TAPT1: variants seen among roughly 807,000 people sequenced by gnomAD.
TAPT1 encodes the protein transmembrane anterior posterior transformation 1.
A neutral mutation model predicts 65.6 loss-of-function variants in TAPT1; 28 were observed. The observed-to-expected ratio is 0.43, with a 90% CI of 0.32 to 0.59. The LOEUF is 0.59. Ranked by LOEUF, TAPT1 falls within the 20% of genes least tolerant of loss-of-function variation. The pLI is 0.09. For missense variants in TAPT1, 563 were observed against 679.9 expected (o/e 0.83, Z 1.91); for synonymous variants, 278 against 245.2 (o/e 1.13, Z -1.25).
chr4:16,202,356 A>G, intron 3 of TAPT1, 106 bp downstream of exon 3: 1 of 653,632 alleles, frequency 1.5e-6, no homozygotes, highest in South Asian at 1.9e-5. Context: ...ATGAAGGGCC[A>G]AAGTGTGGAT....
At chr4:16,168,226 C>T (rs1028290508) in intron 12 of TAPT1, among the ~76,000 whole-genome samples, 28 of 152,146 alleles carry the variant, frequency 1.8e-4, no homozygotes, top group Admixed American at 7.2e-4. Context: ...CAATCTCCCA[C>T]CTCAGCCTCC....
At chr4:16,214,316 A>T (rs1455265128) in intron 1 of TAPT1, 1 of 152,888 alleles carries the variant, frequency 6.5e-6, no homozygotes, top group Non-Finnish European at 1.5e-5. Flanking sequence ...TCCAAGAACC[A>T]TCCTGGATGA....
intron 3 of TAPT1, among the ~76,000 whole-genome samples, chr4:16,199,299 C>A (rs1047221268): frequency 6.6e-6 from 1 of 152,132 alleles, no homozygotes; most frequent in African/African-American, 2.4e-5. Flanking sequence ...GGGAAATCCT[C>A]AATGGAGTCT....
At chr4:16,201,630 G>C (rs1200052478) in intron 3 of TAPT1, among the ~76,000 whole-genome samples, 2 of 152,114 alleles carry the variant, frequency 1.3e-5, no homozygotes, top group Non-Finnish European at 2.9e-5. Flanking sequence ...TTAACCTCAA[G>C]ACCAATAAAG....
chr4:16,221,522 T>C (rs1207102951), intron 1 of TAPT1, among the ~76,000 whole-genome samples: 2 of 152,218 alleles, frequency 1.3e-5, no homozygotes, highest in African/African-American at 4.8e-5. Flanking sequence ...AATTGCTTTT[T>C]CTTCACCCCT....
Position 16,226,285 on chromosome 4 carries a change from C to T in TAPT1, c.173G>A (p.Arg58Gln). The change falls in exon 1 of 14, where the codon CGG (arginine) becomes CAG (glutamine). Residue 58 changes from arginine to glutamine, a missense_variant. Transcript: ENST00000405303. ...TGTGCGGCCCCGGCGCCTCTCCCGC[C>T]GCCGGTCGCTCTCGTAGAAGCCCAG... ...ETLGFYESDR[R>Q]RERRRGRTEL... The T allele has an allele frequency of 8.9e-7, 1 of 1,128,074 alleles. No individual in the cohort carries two copies. The highest frequency in any genetic ancestry group is 1.1e-6 in the Non-Finnish European group (1 of 922,162). 69.9% of individuals were successfully genotyped at this position (1,128,074 alleles called of 1,614,324 possible). A position where few individuals can be genotyped will look rare whatever the true frequency, so the allele number is the denominator to read the frequency against.
At chr4:16,190,117 G>GCCAC (rs1749276582) in intron 4 of TAPT1, 1 of 152,122 alleles carries the variant, frequency 6.6e-6, no homozygotes, top group Non-Finnish European at 1.5e-5. Context: ...AAACATCTTG[G>GCCAC]TCTTGAATTT....
At chr4:16,166,518 C>A in intron 13 of TAPT1, 115 bp downstream of exon 13, 2 of 1,316,062 alleles carry the variant, frequency 1.5e-6, no homozygotes, top group Non-Finnish European at 2.1e-6. Flanking sequence ...CATTAAAAGA[C>A]CCAAAAATCT....
intron 1 of TAPT1, among the ~76,000 whole-genome samples, chr4:16,221,673 T>G (rs1046845950): frequency 3.3e-5 from 5 of 152,236 alleles, no homozygotes; most frequent in African/African-American, 4.8e-5. Flanking sequence ...AAATATATCT[T>G]TCTTAAAATA....
chr4:16,184,922 G>T (rs1748913582), intron 7 of TAPT1, among the ~76,000 whole-genome samples: 1 of 152,074 alleles, frequency 6.6e-6, no homozygotes, highest in Non-Finnish European at 1.5e-5. Flanking sequence ...TACTGTGGCT[G>T]GCCTTTTCAC....
At chr4:16,224,099 CAAGT>C (rs1751414134) in intron 1 of TAPT1, among the ~76,000 whole-genome samples, 1 of 152,176 alleles carries the variant, frequency 6.6e-6, no homozygotes, top group African/African-American at 2.4e-5. Context: ...AAAAAATCAA[CAAGT>C]AATACCTTAA....
chr4:16,186,297 A>G (rs1264676770), intron 7 of TAPT1, among the ~76,000 whole-genome samples: 1 of 152,224 alleles, frequency 6.6e-6, no homozygotes, highest in Non-Finnish European at 1.5e-5. Context: ...TTTCTAGACT[A>G]TTAAGAAGCT....
chr4:16,209,759 T>C (rs1282557361), intron 2 of TAPT1, among the ~76,000 whole-genome samples: 4 of 152,230 alleles, frequency 2.6e-5, no homozygotes, highest in Admixed American at 2.6e-4. Flanking sequence ...TAATAGTATA[T>C]ATATCTTGTG....
chr4:16,185,113 G>A (rs1578434170), intron 7 of TAPT1, among the ~76,000 whole-genome samples: 1 of 151,502 alleles, frequency 6.6e-6, no homozygotes, highest in Admixed American at 6.6e-5. Flanking sequence ...TTAGGGTTAT[G>A]AACCACTATG....
chr4:16,207,554 T>C (rs566881001), intron 2 of TAPT1, among the ~76,000 whole-genome samples: 2 of 152,216 alleles, frequency 1.3e-5, no homozygotes, highest in Admixed American at 6.5e-5. Flanking sequence ...CAATGAATCA[T>C]GCACTATTAG....
At chr4:16,167,972 A>T (rs1747748625) in intron 12 of TAPT1, among the ~76,000 whole-genome samples, 1 of 152,216 alleles carries the variant, frequency 6.6e-6, no homozygotes, top group Admixed American at 6.5e-5. Flanking sequence ...GGATACCTAG[A>T]TACCTATGAC....
At chr4:16,197,011 A>T (rs1178595302) in intron 3 of TAPT1, among the ~76,000 whole-genome samples, 2 of 152,164 alleles carry the variant, frequency 1.3e-5, no homozygotes, top group Non-Finnish European at 2.9e-5. Context: ...AAAAGAGAAA[A>T]ATCTATTATA....
chr4:16,199,851 A>C (rs1334476293), intron 3 of TAPT1, among the ~76,000 whole-genome samples: 1 of 152,074 alleles, frequency 6.6e-6, no homozygotes, highest in Non-Finnish European at 1.5e-5. Context: ...TGGCCTCCCA[A>C]AGTTCTAAGA....
At chr4:16,213,080 T>C (rs1750738107) in intron 2 of TAPT1, among the ~76,000 whole-genome samples, 1 of 152,222 alleles carries the variant, frequency 6.6e-6, no homozygotes, top group Non-Finnish European at 1.5e-5. Context: ...TATGAAAACA[T>C]GTTTCAATAT....
Sources: gnomAD v4.1 joint callset for allele counts (sites outside exome capture counted in the v4.1 genomes callset) on GRCh38, gnomAD v4.1.1 for gene constraint, MANE v1.5 for transcripts, NCBI Gene and HGNC (gene_info 2026-07-23, HGNC 2026-07-21) for gene names.